The following DNA2 variants were observed in gnomAD, a reference collection of about 807,000 sequenced individuals.
DNA2 encodes the protein DNA replication helicase/nuclease 2, also known as DNA replication ATP-dependent helicase/nuclease DNA2.
In DNA2, 101 loss-of-function variants were observed where a neutral mutation model predicts 119.1. That is an observed-to-expected ratio of 0.85 (90% confidence interval 0.72 to 1.00). The LOEUF (loss-of-function observed/expected upper bound fraction) is 1.00, where lower values mean the gene tolerates loss of function less well. DNA2 is among the 50% of genes least tolerant of loss of function. The pLI is 0.00. For synonymous variants in DNA2, 366 were observed against 424.4 expected (o/e 0.86, Z 1.69); for missense variants, 1,121 against 1,255.5 (o/e 0.89, Z 1.62).
intron 5 of DNA2, among the ~76,000 whole-genome samples, chr10:68,456,497 C>T (rs1460963425): frequency 6.6e-6 from 1 of 152,056 alleles, no homozygotes; most frequent in East Asian, 1.9e-4. Context: ...TCGCTGTAAT[C>T]TCTGCCTCCT....
intron 17 of DNA2, among the ~76,000 whole-genome samples, chr10:68,421,519 T>G (rs891269554): frequency 1.3e-5 from 2 of 151,968 alleles, no homozygotes; most frequent in African/African-American, 4.8e-5. Context: ...TCTGGGAGGC[T>G]GAAGCAGGCG....
intron 19 of DNA2, 92 bp downstream of exon 19, chr10:68,418,942 G>T: frequency 2.5e-6 from 3 of 1,204,030 alleles, no homozygotes; most frequent in Non-Finnish European, 3.4e-6. Flanking sequence ...CAGGGGGCTG[G>T]GATTACAGGT....
At chr10:68,459,676 T>C (rs10823201) in intron 4 of DNA2, among the ~76,000 whole-genome samples, 27,033 of 151,974 alleles carry the variant, frequency 0.18, 2,924 homozygotes, top group African/African-American at 0.31. Context: ...TGGAGATAGA[T>C]AGGGTGATGG....
At chr10:68,416,529 T>TG in intron 20 of DNA2, 180 bp downstream of exon 20, 1 of 572,910 alleles carries the variant, frequency 1.7e-6, no homozygotes, top group Non-Finnish European at 3.1e-6. Context: ...GGTTATAGGC[T>TG]GGGGGCCGTG....
chr10:68,454,914 T>C (rs900842091), intron 5 of DNA2, among the ~76,000 whole-genome samples: 3 of 149,970 alleles, frequency 2.0e-5, no homozygotes, highest in Admixed American at 1.3e-4. Flanking sequence ...GATAAATAAT[T>C]AGGAGCAGTT....
At chr10:68,417,222 ACT>A (rs71483913) in intron 19 of DNA2, among the ~76,000 whole-genome samples, 1 of 149,744 alleles carries the variant, frequency 6.7e-6, no homozygotes, top group Non-Finnish European at 1.5e-5. Flanking sequence ...ATGCCTCCAC[ACT>A]CTGACCTAGC....
chr10:68,461,874 A>C (rs1376779241), intron 4 of DNA2, among the ~76,000 whole-genome samples: 1 of 151,016 alleles, frequency 6.6e-6, no homozygotes, highest in South Asian at 2.1e-4. Context: ...GGATTGTTTG[A>C]GGCTACAGTG....
At chr10:68,440,003 C>G (rs981318170) in intron 9 of DNA2, among the ~76,000 whole-genome samples, 3 of 146,270 alleles carry the variant, frequency 2.1e-5, no homozygotes, top group Non-Finnish European at 4.5e-5. Context: ...GATTCCATCT[C>G]AAAAAAAAAA....
At chr10:68,424,503 CAA>C (rs60968180) in intron 14 of DNA2, 71,750 of 464,874 alleles carry the variant, frequency 0.15, 3,705 homozygotes, top group Admixed American at 0.28. Flanking sequence ...GTCACTGTCT[CAA>C]AAAAAAAAAA....
intron 4 of DNA2, 38 bp from the exon 5 acceptor site, chr10:68,459,273 G>A (rs2052225651): frequency 2.7e-6 from 4 of 1,480,936 alleles, no homozygotes; most frequent in Non-Finnish European, 2.7e-6. Flanking sequence ...TTAGACTTAA[G>A]CGGTACCTGC....
At chr10:68,428,321 G>A (rs769402622) in intron 14 of DNA2, among the ~76,000 whole-genome samples, 13 of 151,960 alleles carry the variant, frequency 8.6e-5, no homozygotes, top group Admixed American at 2.0e-4. Context: ...GCGAGACTCC[G>A]TCTCAAAATA....
At chr10:68,426,573 C>T (rs1385992639) in intron 14 of DNA2, among the ~76,000 whole-genome samples, 1 of 151,482 alleles carries the variant, frequency 6.6e-6, no homozygotes, top group Admixed American at 6.6e-5. Context: ...TGGTGGCTCA[C>T]ACCTGTAATC....
chr10:68,445,230 T>C lies in DNA2; in HGVS notation c.1058-147A>G, dbSNP rs7902170. On this transcript the variant is annotated intron_variant, in intron 7 of 20. Transcript: ENST00000358410. The stretch of plus-strand genomic sequence containing the variant: ...CTGTAATCCCAACACTTGGGGAGGC[T>C]GAGGTGGGCGGATCACCTGAGGTCA... 0.24 allele frequency: 171,961 copies of C among 721,248 alleles called. 25,343 individuals are homozygous for C. The highest frequency in any genetic ancestry group is 0.49 in the African/African-American group (27,390 of 55,610). 44.7% of individuals were successfully genotyped at this position (721,248 alleles called of 1,614,324 possible).
chr10:68,419,272 GAATTT>G (rs1256362078), intron 18 of DNA2, 59 bp from the exon 19 acceptor site: 16 of 1,281,412 alleles, frequency 1.2e-5, no homozygotes, highest in Non-Finnish European at 1.5e-5. Context: ...AAACTTTTCT[GAATTT>G]AATAATTAAA....
chr10:68,453,523 C>G (rs1032465067), intron 5 of DNA2, among the ~76,000 whole-genome samples: 2 of 152,140 alleles, frequency 1.3e-5, no homozygotes, highest in African/African-American at 4.8e-5. Context: ...ATTATATATA[C>G]AGTCATCCAT....
intron 1 of DNA2, 107 bp from the exon 2 acceptor site, chr10:68,470,270 C>G: frequency 1.0e-6 from 1 of 1,003,690 alleles, no homozygotes; most frequent in Non-Finnish European, 1.4e-6. Context: ...TTTCTTTCTT[C>G]TGAAAAGCTT....
At chr10:68,465,636 T>C (rs367716448) in intron 4 of DNA2, 31 bp downstream of exon 4, 72 of 1,480,706 alleles carry the variant, frequency 4.9e-5, no homozygotes, top group Non-Finnish European at 6.6e-5. Flanking sequence ...ATAATAAAAT[T>C]ATACCTGCAG....
chr10:68,450,289 T>A, intron 5 of DNA2, 42 bp from the exon 6 acceptor site: 2 of 1,433,082 alleles, frequency 1.4e-6, no homozygotes, highest in Non-Finnish European at 1.9e-6. Flanking sequence ...TTAGAACTCT[T>A]AGCTCATTTC....
chr10:68,442,148 G>A (rs1414608238), intron 9 of DNA2, among the ~76,000 whole-genome samples: 2 of 151,426 alleles, frequency 1.3e-5, no homozygotes, highest in African/African-American at 4.9e-5. Flanking sequence ...CTGGTGAGCT[G>A]AAGTGATCCA....
Sources: gnomAD v4.1 joint callset for allele counts (sites outside exome capture counted in the v4.1 genomes callset) on GRCh38, gnomAD v4.1.1 for gene constraint, MANE v1.5 for transcripts, NCBI Gene and HGNC (gene_info 2026-07-23, HGNC 2026-07-21) for gene names.